CARHSP1: variants seen among roughly 807,000 people sequenced by gnomAD.
The protein encoded by CARHSP1 is calcium regulated heat stable protein 1.
Under a neutral mutation model 12.5 loss-of-function variants are expected in CARHSP1, and 14 were observed. The observed-to-expected ratio is 1.12, with a 90% CI of 0.74 to 1.75. The LOEUF is 1.75. CARHSP1 is among the 40% of genes most tolerant of loss of function. The pLI, the probability that CARHSP1 is intolerant of heterozygous loss-of-function variation, is 0.00. For missense variants in CARHSP1, 343 were observed against 201.6 expected (o/e 1.70, Z -4.25); for synonymous variants, 161 against 82.0 (o/e 1.96, Z -5.20).
intron 3 of CARHSP1, 112 bp from the exon 4 acceptor site, chr16:8,855,438 C>G: frequency 1.1e-6 from 1 of 935,024 alleles, no homozygotes. Flanking sequence ...ACCATCTGAC[C>G]AACCACCGGG....
intron 1 of CARHSP1, chr16:8,859,980 AAAG>A (rs2061297972): frequency 4.5e-6 from 1 of 222,564 alleles, no homozygotes; most frequent in Admixed American, 6.5e-5. Context: ...CTGTCTCAAA[AAAG>A]AAAACCCAAA....
At chr16:8,858,539 C>T in intron 2 of CARHSP1, 67 bp from the exon 3 acceptor site, 2 of 1,580,298 alleles carry the variant, frequency 1.3e-6, no homozygotes, top group Non-Finnish European at 1.7e-6. Context: ...TCATTCCAGC[C>T]CCTGCCCACA....
intron 1 of CARHSP1, chr16:8,860,129 G>A (rs932555853): frequency 2.0e-6 from 2 of 985,230 alleles, no homozygotes; most frequent in Non-Finnish European, 2.4e-6. Context: ...CGCCTCCAGG[G>A]AACTGTGGAA....
At chr16:8,856,607 G>C (rs2061119259) in intron 3 of CARHSP1, among the ~76,000 whole-genome samples, 1 of 150,182 alleles carries the variant, frequency 6.7e-6, no homozygotes, top group South Asian at 2.1e-4. Context: ...CTGCCGATCT[G>C]ATAGGTAAGC....
At chr16:8,855,358 C>T (rs1403469373) in intron 3 of CARHSP1, 32 bp from the exon 4 acceptor site, 2 of 1,457,442 alleles carry the variant, frequency 1.4e-6, no homozygotes, top group Admixed American at 2.2e-5. Context: ...AGTCAGGGCT[C>T]ACACCGGGAC....
At chr16:8,857,199 G>T (rs970079201) in intron 3 of CARHSP1, among the ~76,000 whole-genome samples, 5 of 147,190 alleles carry the variant, frequency 3.4e-5, no homozygotes, top group Non-Finnish European at 7.4e-5. Flanking sequence ...TCTCCCACAA[G>T]CATAGTCGGG....
At chr16:8,867,942 T>A (rs1376403665) in intron 1 of CARHSP1, 6 of 152,380 alleles carry the variant, frequency 3.9e-5, no homozygotes, top group African/African-American at 1.4e-4. Flanking sequence ...ATTGTTTTTC[T>A]AAGTTCCCTC....
rs1331169856 is a variant in CARHSP1, at chr16:8,859,297, G to T, written c.32C>A (p.Pro11His). The change falls in exon 2 of 4, where the codon CCC becomes CAC. Residue 11 changes from proline to histidine, a missense_variant. Pro to His is a moderately conservative substitution (Grantham distance 77). Transcript: ENST00000311052. Reference sequence around the variant, plus strand: ...CCCGACTGAAGCTTGATGGGTGGGGGGCTGTGGTGGTGGGGGAGGCTCAGA... The same window carrying T: ...CCCGACTGAAGCTTGATGGGTGGGGTGCTGTGGTGGTGGGGGAGGCTCAGA... MSSEPPPPPQ[P>H]PTHQASVGLL... 1 of 1,603,430 alleles carries T rather than the reference G, an allele frequency of 6.2e-7. No individual in the cohort carries two copies. The highest frequency in any genetic ancestry group is 8.5e-7 in the Non-Finnish European group (1 of 1,177,964).
intron 1 of CARHSP1, among the ~76,000 whole-genome samples, chr16:8,866,136 T>C (rs572550109): frequency 2.0e-5 from 3 of 152,174 alleles, no homozygotes; most frequent in East Asian, 1.9e-4. Context: ...TTATTTTTTG[T>C]AGAGACAAGG....
At chr16:8,861,707 ACTC>A in intron 1 of CARHSP1, 1 of 1,288,402 alleles carries the variant, frequency 7.8e-7, no homozygotes, top group South Asian at 1.2e-5. Context: ...CCAAGGAGGA[ACTC>A]CTGAGTCCGG....
At chr16:8,860,365 T>C (rs1254133210) in intron 1 of CARHSP1, 2 of 985,342 alleles carry the variant, frequency 2.0e-6, no homozygotes, top group South Asian at 4.7e-5. Context: ...TAAATCCAGC[T>C]GGAGGGCGGG....
intron 1 of CARHSP1, chr16:8,866,345 A>G: frequency 1.3e-6 from 1 of 778,434 alleles, no homozygotes; most frequent in Non-Finnish European, 1.6e-6. Flanking sequence ...CTCACAGCCC[A>G]AGGCTTAACA....
chr16:8,858,861 T>G (rs2061244697), intron 2 of CARHSP1: 2 of 407,946 alleles, frequency 4.9e-6, no homozygotes, highest in Non-Finnish European at 4.4e-6. Context: ...GTGCCCATTT[T>G]GCAGCTGCAG....
intron 1 of CARHSP1, chr16:8,861,539 G>A (rs1465660941): frequency 8.7e-7 from 1 of 1,150,752 alleles, no homozygotes; most frequent in Non-Finnish European, 1.2e-6. Context: ...CAGAGGAGAA[G>A]GGATGCCCCA....
chr16:8,857,263 G>GTTTTTTGTTTTTTGTTTTTTGTTTTT (rs1315960023), intron 3 of CARHSP1, among the ~76,000 whole-genome samples: 3 of 57,036 alleles, frequency 5.3e-5, no homozygotes, highest in Non-Finnish European at 1.1e-4. Context: ...GGGCAGATCT[G>GTTTTTTGTTTTTTGTTTTTTGTTTTT]TTTTTTTTTT....
rs911373212 is a variant in CARHSP1, at chr16:8,853,520, C to G, written c.*1644G>C. 4 of 152,142 alleles carry G rather than the reference C, an allele frequency of 2.6e-5. No individual in the cohort carries two copies. The highest frequency in any genetic ancestry group is 9.7e-5 in the African/African-American group (4 of 41,418). The allele number at this position is 152,142 out of a possible 1,614,324, so 9.4% of individuals were successfully genotyped here. A position where few individuals can be genotyped will look rare whatever the true frequency, so the allele number is the denominator to read the frequency against. On this transcript the variant is annotated 3_prime_UTR_variant, in exon 4 of 4. Transcript: ENST00000311052. ...ATTCTCAAACAACTCCCTTCCACCC[C>G]CTTAGGCTGAAAGGACAAACTCATC...
At chr16:8,864,439 G>A (rs2061422624) in intron 1 of CARHSP1, among the ~76,000 whole-genome samples, 1 of 152,158 alleles carries the variant, frequency 6.6e-6, no homozygotes, top group Admixed American at 6.5e-5. Flanking sequence ...GTGTCCTGGG[G>A]CCATTCTGCT....
Position 8,855,081 on chromosome 16 carries a change from G to T in CARHSP1, c.*83C>A. 16 of 1,288,278 alleles carry T rather than the reference G, an allele frequency of 1.2e-5. No homozygotes were observed. Among genetic ancestry groups the T allele is most frequent in the Non-Finnish European group, 1.7e-5 (16 of 957,520 alleles). 79.8% of individuals were successfully genotyped at this position (1,288,278 alleles called of 1,614,324 possible). ...CCCGGCTGAAGCCCCGTCTCGTGTG[G>T]AAGAATGTCATCTCCAGTGTCTGCT... is the stretch of plus-strand genomic sequence containing the variant. On this transcript the variant is annotated 3_prime_UTR_variant, in exon 4 of 4. Transcript: ENST00000311052.
chr16:8,865,213 G>A (rs1310175575), intron 1 of CARHSP1, among the ~76,000 whole-genome samples: 2 of 152,124 alleles, frequency 1.3e-5, no homozygotes, highest in South Asian at 2.1e-4. Context: ...AGGTTCAAGC[G>A]ATTCTCCTGC....
Sources: gnomAD v4.1 joint callset for allele counts (sites outside exome capture counted in the v4.1 genomes callset) on GRCh38, gnomAD v4.1.1 for gene constraint, MANE v1.5 for transcripts, NCBI Gene and HGNC (gene_info 2026-07-23, HGNC 2026-07-21) for gene names.